TPST1: variants seen among roughly 807,000 people sequenced by gnomAD.
TPST1 encodes the protein tyrosylprotein sulfotransferase 1.
TPST1 carries 20 observed loss-of-function variants against 34.8 expected under a neutral mutation model. The observed-to-expected ratio is 0.57, with a 90% CI of 0.40 to 0.84. The LOEUF (loss-of-function observed/expected upper bound fraction) is 0.84. Among genes scored for constraint, TPST1 ranks in the 40% least tolerant of loss-of-function variants. TPST1 has a pLI of 0.00. For missense variants in TPST1, 353 were observed against 455.5 expected, an observed-to-expected ratio of 0.78 and a Z score of 2.05; for synonymous variants, 152 against 159.4, an observed-to-expected ratio of 0.95 and a Z score of 0.35.
chr7:66,226,331 T>G (rs888154204), intron 1 of TPST1, among the ~76,000 whole-genome samples: 21 of 152,126 alleles, frequency 1.4e-4, no homozygotes, highest in Admixed American at 7.2e-4. Flanking sequence ...TATGATTTGA[T>G]GAATAGTGAC....
chr7:66,294,789 G>A (rs1316458686), intron 3 of TPST1, among the ~76,000 whole-genome samples: 1 of 151,410 alleles, frequency 6.6e-6, no homozygotes, highest in East Asian at 1.9e-4. Context: ...TCTCTCCTCT[G>A]CATTATGTTA....
intron 3 of TPST1, among the ~76,000 whole-genome samples, chr7:66,328,886 C>CTATATATATA (rs1554354127): frequency 8.6e-4 from 19 of 22,092 alleles, no homozygotes; most frequent in African/African-American, 1.2e-3. Flanking sequence ...CTCTCTCTCT[C>CTATATATATA]TATATATATA....
chr7:66,313,139 G>C (rs556375655), intron 3 of TPST1, among the ~76,000 whole-genome samples: 18 of 152,212 alleles, frequency 1.2e-4, no homozygotes, highest in African/African-American at 4.1e-4. Context: ...CTGGTAGCCA[G>C]GCGCGGTGGC....
At chr7:66,204,768 AG>A (rs1227947027), upstream of TPST1, among the ~76,000 whole-genome samples, 1 of 151,996 alleles carries the variant, frequency 6.6e-6, no homozygotes, top group African/African-American at 2.4e-5. Flanking sequence ...TGTGGTTGGG[AG>A]GGACTATTGC....
intron 2 of TPST1, among the ~76,000 whole-genome samples, chr7:66,270,299 T>C (rs1421051622): frequency 6.6e-6 from 1 of 152,190 alleles, no homozygotes; most frequent in Non-Finnish European, 1.5e-5. Context: ...CTGGAAGGAC[T>C]ATTTTAAAAA....
chr7:66,320,233 T>G (rs1017501234), intron 3 of TPST1, among the ~76,000 whole-genome samples: 6 of 151,316 alleles, frequency 4.0e-5, no homozygotes, highest in Non-Finnish European at 5.9e-5. Context: ...CTTTCTTTCT[T>G]TTTTTCTTTT....
rs553335735 is a variant in TPST1, at chr7:66,310,693, G to T, written c.1044+23984G>T. Among the ~76,000 whole-genome samples the T allele has an allele frequency of 4.6e-5, 7 of 152,226 alleles. 1 individual carries two copies. The South Asian group carries it at 1.5e-3, about 32-fold the overall frequency. On this transcript the variant is annotated intron_variant, in intron 3 of 5. Coordinates refer to ENST00000304842, the MANE Select transcript of TPST1 (RefSeq NM_003596.4). The stretch of plus-strand genomic sequence containing the variant: ...TTTTTGACTGTATTACTTGAATTGG[G>T]TTTCTGGGCTGTAGTAGGAATATTC...
intron 2 of TPST1, among the ~76,000 whole-genome samples, chr7:66,254,131 A>G (rs556752920): frequency 1.3e-5 from 2 of 152,232 alleles, no homozygotes; most frequent in East Asian, 1.9e-4. Flanking sequence ...ATATTTTAAA[A>G]TCAACTTGCC....
intron 3 of TPST1, among the ~76,000 whole-genome samples, chr7:66,317,331 A>G (rs1241349820): frequency 6.6e-6 from 1 of 152,152 alleles, no homozygotes; most frequent in East Asian, 1.9e-4. Context: ...TTCAAGTAAT[A>G]CTTTCTTTGG....
At chr7:66,350,842 G>T (rs138901807) in intron 3 of TPST1, among the ~76,000 whole-genome samples, 99 of 151,760 alleles carry the variant, frequency 6.5e-4, no homozygotes, top group African/African-American at 2.3e-3. Context: ...TTTTTTTGCT[G>T]TTGCAAAGTG....
intron 3 of TPST1, among the ~76,000 whole-genome samples, chr7:66,294,512 G>A (rs745368856): frequency 5.3e-5 from 8 of 151,324 alleles, no homozygotes; most frequent in Non-Finnish European, 8.8e-5. Flanking sequence ...ATTATTAGCA[G>A]CTATATGGGA....
intron 3 of TPST1, among the ~76,000 whole-genome samples, chr7:66,329,018 TCTC>T (rs1002215307): frequency 1.4e-5 from 2 of 144,340 alleles, no homozygotes; most frequent in African/African-American, 5.2e-5. Context: ...CTCAAGCAAT[TCTC>T]CTGCCTCAGC....
intron 2 of TPST1, among the ~76,000 whole-genome samples, chr7:66,279,159 C>T (rs559412380): frequency 1.3e-5 from 2 of 152,310 alleles, no homozygotes; most frequent in Admixed American, 1.3e-4. Context: ...GCTTAGCTAG[C>T]ACTTATAAGT....
intron 3 of TPST1, among the ~76,000 whole-genome samples, chr7:66,293,857 A>G (rs955400434): frequency 2.6e-5 from 4 of 152,218 alleles, no homozygotes; most frequent in African/African-American, 9.6e-5. Flanking sequence ...ATTAAGAGAA[A>G]GTTGCTATTA....
intron 3 of TPST1, among the ~76,000 whole-genome samples, chr7:66,334,660 A>G (rs904903261): frequency 6.9e-6 from 1 of 144,774 alleles, no homozygotes; most frequent in African/African-American, 2.6e-5. Flanking sequence ...AAGTATTCAA[A>G]GACAAGAATA....
chr7:66,272,915 T>C (rs920973024), intron 2 of TPST1, among the ~76,000 whole-genome samples: 4 of 152,116 alleles, frequency 2.6e-5, no homozygotes, highest in African/African-American at 9.7e-5. Flanking sequence ...TTCAGTACAG[T>C]ACTGGAGTCC....
At chr7:66,202,481 A>T (rs1281824024), upstream of TPST1, among the ~76,000 whole-genome samples, 1 of 152,116 alleles carries the variant, frequency 6.6e-6, no homozygotes, top group South Asian at 2.1e-4. Context: ...TCAGCTCCCT[A>T]TGTGGCTACT....
intron 1 of TPST1, among the ~76,000 whole-genome samples, chr7:66,223,072 C>G (rs1383375720): frequency 6.6e-6 from 1 of 152,088 alleles, no homozygotes; most frequent in Non-Finnish European, 1.5e-5. Flanking sequence ...GGTCTTCTGA[C>G]TCTAATACAC....
At chr7:66,228,265 A>C (rs1789705288) in intron 1 of TPST1, among the ~76,000 whole-genome samples, 1 of 152,198 alleles carries the variant, frequency 6.6e-6, no homozygotes, top group Non-Finnish European at 1.5e-5. Flanking sequence ...TCTACTTTCA[A>C]AGGTAGTTAC....
Sources: gnomAD v4.1 joint callset for allele counts (sites outside exome capture counted in the v4.1 genomes callset) on GRCh38, gnomAD v4.1.1 for gene constraint, MANE v1.5 for transcripts, NCBI Gene and HGNC (gene_info 2026-07-23, HGNC 2026-07-21) for gene names.